Variants in CCNJL observed in about 807,000 individuals in gnomAD.
CCNJL encodes cyclin J like.
A neutral mutation model predicts 33.4 loss-of-function variants in CCNJL; 33 were observed. That is an observed-to-expected ratio of 0.99 (90% CI 0.75 to 1.32). CCNJL has a LOEUF of 1.32. CCNJL is among the 40% of genes most tolerant of loss of function. The pLI is 0.00. For synonymous variants in CCNJL, 227 were observed against 220.9 expected (o/e 1.03, Z -0.24); for missense variants, 512 against 499.7 (o/e 1.02, Z -0.23).
chr5:160,288,632 A>T (rs2113381055), intron 2 of CCNJL, among the ~76,000 whole-genome samples: 1 of 152,174 alleles, frequency 6.6e-6, no homozygotes, highest in Non-Finnish European at 1.5e-5. Context: ...GCACTTTGGG[A>T]GGCTGAGGCG....
intron 1 of CCNJL, among the ~76,000 whole-genome samples, chr5:160,339,048 A>G (rs2113488394): frequency 6.6e-6 from 1 of 152,168 alleles, no homozygotes; most frequent in South Asian, 2.1e-4. Flanking sequence ...CGGACTCCCA[A>G]AGTGCTGGGA....
Position 160,280,522 on chromosome 5 carries a change from T to C in CCNJL, c.280+3A>G, listed in dbSNP as rs1762170933. The C allele has an allele frequency of 1.9e-6, 3 of 1,611,358 alleles. No individual in the cohort carries two copies. Among genetic ancestry groups the C allele is most frequent in the South Asian group, 1.1e-5 (1 of 91,018 alleles). ...GCGGAGGAAGACGTAGGTTTTCGCT[T>C]ACTTGCAAGCAGGAGGCAGGAGACG... is the stretch of plus-strand genomic sequence containing the variant. On this transcript the variant is annotated splice_donor_region_variant and intron_variant, in intron 3 of 5. Transcript: ENST00000257536.
rs371546045 is a variant in CCNJL, at chr5:160,286,743, G to A, written c.67-6005C>T. Among the ~76,000 whole-genome samples, 290 of 152,260 alleles carry A rather than the reference G, an allele frequency of 1.9e-3. 4 individuals carry two copies. Among genetic ancestry groups the A allele is most frequent in the African/African-American group, 6.9e-3 (285 of 41,542 alleles). ...TAGGTACAGCGTGCTGGAAGGGGCTGGTCTCAAGAGGGCAGGATTTTGAAG... is the reference window on the plus strand; with the variant it reads ...TAGGTACAGCGTGCTGGAAGGGGCTAGTCTCAAGAGGGCAGGATTTTGAAG... On this transcript the variant is annotated intron_variant, in intron 2 of 5. Transcript: ENST00000257536.
chr5:160,303,755 AAAAG>A (rs1763004643), intron 2 of CCNJL, among the ~76,000 whole-genome samples: 1 of 150,894 alleles, frequency 6.6e-6, no homozygotes, highest in African/African-American at 2.4e-5. Flanking sequence ...TAATAACTCA[AAAAG>A]AAAAAGAGAG....
intron 2 of CCNJL, among the ~76,000 whole-genome samples, chr5:160,288,410 C>T (rs1762476911): frequency 6.6e-6 from 1 of 152,186 alleles, no homozygotes; most frequent in African/African-American, 2.4e-5. Flanking sequence ...CCCACATCAT[C>T]CCTTTAACAA....
intron 1 of CCNJL, chr5:160,327,076 T>C (rs1763547366): frequency 3.0e-6 from 1 of 332,310 alleles, no homozygotes; most frequent in East Asian, 7.7e-5. Context: ...ATTACCCTTA[T>C]GTTATTACAA....
intron 3 of CCNJL, among the ~76,000 whole-genome samples, chr5:160,273,980 G>A (rs528365144): frequency 1.3e-5 from 2 of 152,034 alleles, no homozygotes; most frequent in South Asian, 2.1e-4. Flanking sequence ...AGGCAAATTC[G>A]CAAGAACAGA....
intron 1 of CCNJL, among the ~76,000 whole-genome samples, chr5:160,325,321 A>G (rs1004832625): frequency 2.0e-5 from 3 of 152,198 alleles, no homozygotes; most frequent in Non-Finnish European, 2.9e-5. Context: ...TGAGCAGTCC[A>G]TAAACCAGAC....
intron 2 of CCNJL, among the ~76,000 whole-genome samples, chr5:160,306,066 G>A (rs1469687413): frequency 6.6e-6 from 1 of 152,112 alleles, no homozygotes; most frequent in Non-Finnish European, 1.5e-5. Context: ...CTGAGGTCAG[G>A]AGTTAGAGAC....
chr5:160,280,442 T>A lies in CCNJL; in HGVS notation c.280+83A>T, dbSNP rs1037610444. ...ATAAGACGTGCAAAGATCGTCAAAATGTAAAGTGATTTGGAAGCAGCCAGG... is the reference window on the plus strand; with the variant it reads ...ATAAGACGTGCAAAGATCGTCAAAAAGTAAAGTGATTTGGAAGCAGCCAGG... On this transcript the variant is annotated intron_variant, in intron 3 of 5. Coordinates refer to ENST00000257536, the MANE Select transcript of CCNJL (RefSeq NM_001308173.3). 3.9e-5 allele frequency: 43 copies of A among 1,109,768 alleles called. No individual in the cohort carries two copies. The Middle Eastern group carries it at 8.8e-4, about 23-fold the overall frequency. 68.7% of individuals were successfully genotyped at this position (1,109,768 alleles called of 1,614,324 possible). A position where few individuals can be genotyped will look rare whatever the true frequency, so the allele number is the denominator to read the frequency against.
intron 5 of CCNJL, chr5:160,254,883 G>C (rs1760983456): frequency 6.6e-6 from 1 of 152,498 alleles, no homozygotes; most frequent in Non-Finnish European, 1.5e-5. Flanking sequence ...TCAGCTTTGT[G>C]ACCATGTCTG....
chr5:160,315,398 T>C, upstream of CCNJL: 1 of 432,656 alleles, frequency 2.3e-6, no homozygotes. Context: ...TCTTAGCTGC[T>C]CAGAAAGCTG....
intron 2 of CCNJL, among the ~76,000 whole-genome samples, chr5:160,281,825 T>C (rs34466359): frequency 0.18 from 27,687 of 151,944 alleles, 3,177 homozygotes; most frequent in Non-Finnish European, 0.24. Flanking sequence ...TAATTGTTTT[T>C]GTATTTTTTG....
Position 160,339,538 on chromosome 5 carries a change from G to C in CCNJL, n.113C>G, listed in dbSNP as rs760608482. ...ATGCCTCATTTTCCAAATCTTTGTC[G>C]ACTTGCTTTCAGTTATCCATTAGTG... is the stretch of plus-strand genomic sequence containing the variant. On this transcript the variant is annotated non_coding_transcript_exon_variant, in exon 1 of 8. Transcript: ENST00000377503. 4 of 449,396 alleles carry C rather than the reference G, an allele frequency of 8.9e-6. No homozygotes were observed. In the East Asian group the frequency reaches 2.1e-4, roughly 24 times the overall value. The allele number at this position is 449,396 out of a possible 1,614,324, so 27.8% of individuals were successfully genotyped here. A position where few individuals can be genotyped will look rare whatever the true frequency, so the allele number is the denominator to read the frequency against.
At chr5:160,299,811 G>C (rs1473294722) in intron 2 of CCNJL, among the ~76,000 whole-genome samples, 15 of 150,874 alleles carry the variant, frequency 9.9e-5, no homozygotes, top group Admixed American at 9.9e-4. Flanking sequence ...ACTCCAAAGA[G>C]TCGGAAGTGC....
intron 3 of CCNJL, among the ~76,000 whole-genome samples, chr5:160,267,573 C>T (rs886712694): frequency 1.3e-5 from 2 of 152,260 alleles, no homozygotes; most frequent in Non-Finnish European, 2.9e-5. Context: ...ACCTTATATA[C>T]AGTCACAAGG....
intron 3 of CCNJL, among the ~76,000 whole-genome samples, chr5:160,278,227 T>C (rs1041213214): frequency 2.0e-5 from 3 of 152,152 alleles, no homozygotes; most frequent in Non-Finnish European, 4.4e-5. Flanking sequence ...CTCAAACTCC[T>C]GACCTCAGGT....
chr5:160,295,032 C>G (rs754112), intron 2 of CCNJL: 32,198 of 152,282 alleles, frequency 0.21, 4,741 homozygotes, highest in African/African-American at 0.42. Context: ...ACTCTACTTC[C>G]CTACCCATCT....
Position 160,253,324 on chromosome 5 carries a change from G to A in CCNJL, c.*54C>T. The A allele has an allele frequency of 6.6e-7, 1 of 1,508,204 alleles. No individual in the cohort carries two copies. The allele number at this position is 1,508,204 out of a possible 1,614,324, so 93.4% of individuals were successfully genotyped here. On this transcript the variant is annotated 3_prime_UTR_variant, in exon 6 of 6. Transcript: ENST00000257536. ...ACTTGGCTGAGCTCTCCTCTTCAGTGTCCTCTTCCTCTGCCCACATCTCCA... is the reference window on the plus strand; with the variant it reads ...ACTTGGCTGAGCTCTCCTCTTCAGTATCCTCTTCCTCTGCCCACATCTCCA...
Sources: gnomAD v4.1 joint callset for allele counts (sites outside exome capture counted in the v4.1 genomes callset) on GRCh38, gnomAD v4.1.1 for gene constraint, MANE v1.5 for transcripts, NCBI Gene and HGNC (gene_info 2026-07-23, HGNC 2026-07-21) for gene names.